The following ZNF341 variants were observed in gnomAD, a reference collection of about 807,000 sequenced individuals.
ZNF341 encodes zinc finger protein 341.
ZNF341 carries 52 observed loss-of-function variants against 87.7 expected under a neutral mutation model. That is an observed-to-expected ratio of 0.59 (90% CI 0.47 to 0.75). ZNF341 has a LOEUF of 0.75. ZNF341 is among the 30% of genes least tolerant of loss of function. ZNF341 has a pLI of 0.00. For missense variants in ZNF341, 977 were observed against 1,145.9 expected, an observed-to-expected ratio of 0.85 and a Z score of 2.13; for synonymous variants, 459 against 472.7, an observed-to-expected ratio of 0.97 and a Z score of 0.38.
rs1217050319 is a variant in ZNF341, at chr20:33,775,911, G to T, written c.1623-5380G>T. On this transcript the variant is annotated intron_variant, in intron 10 of 14. Transcript: ENST00000375200. ...GACAGGGTCTTGCTATATTGCCCAGGCTGGCCTAGAACTCCAAGGCTCAAG... is the reference window on the plus strand; with the variant it reads ...GACAGGGTCTTGCTATATTGCCCAGTCTGGCCTAGAACTCCAAGGCTCAAG... Among the ~76,000 whole-genome samples the T allele has an allele frequency of 2.0e-5, 3 of 151,612 alleles. No homozygotes were observed. The South Asian group carries it at 6.3e-4, about 32-fold the overall frequency.
At position 33,749,000 on chromosome 20, in the gene ZNF341, T is replaced by C. The variant is rs1027046592; in HGVS notation, c.417T>C (p.Asp139=). 1 of 1,614,076 alleles carries C rather than the reference T, an allele frequency of 6.2e-7. No homozygotes were observed. The highest frequency in any genetic ancestry group is 1.7e-5 in the Admixed American group (1 of 60,002). ...LVQGNILVSD[D]VLMSAMSAFT... is the part of the protein sequence containing the mutation. Reference sequence around the variant, plus strand: ...AGGGGAACATCTTGGTGAGCGATGATGTGCTCATGTCTGCCATGTCAGCCT... The same window carrying C: ...AGGGGAACATCTTGGTGAGCGATGACGTGCTCATGTCTGCCATGTCAGCCT... The change falls in exon 4 of 15, where the codon GAT becomes GAC. Residue 139 remains aspartate (D), a synonymous_variant. Coordinates refer to ENST00000375200, the MANE Select transcript of ZNF341 (RefSeq NM_001282933.2).
At chr20:33,769,969 G>A (rs1485165953) in intron 9 of ZNF341, 115 bp from the exon 10 acceptor site, 2 of 673,496 alleles carry the variant, frequency 3.0e-6, no homozygotes, top group African/African-American at 3.6e-5. Context: ...GGGGGGCAGA[G>A]GGAGCAGTGG....
chr20:33,764,556 TATA>T, intron 8 of ZNF341, among the ~76,000 whole-genome samples: 2 of 79,950 alleles, frequency 2.5e-5, no homozygotes, highest in Admixed American at 2.6e-4. Flanking sequence ...TATATATATA[TATA>T]TATTTTTTTT....
At chr20:33,779,897 A>G (rs2207354) in intron 10 of ZNF341, among the ~76,000 whole-genome samples, 24,418 of 152,130 alleles carry the variant, frequency 0.16, 2,517 homozygotes, top group African/African-American at 0.3. Context: ...ACAAGTTCTC[A>G]CTGGTGCTGG....
intron 7 of ZNF341, among the ~76,000 whole-genome samples, chr20:33,761,017 C>T (rs1209260883): frequency 6.6e-6 from 1 of 151,980 alleles, no homozygotes; most frequent in African/African-American, 2.4e-5. Context: ...TTTTTAGAGA[C>T]AAGGTCTCAC....
intron 4 of ZNF341, chr20:33,752,108 G>GCCC (rs11477069): frequency 6.3e-4 from 216 of 344,896 alleles, no homozygotes; most frequent in Non-Finnish European, 7.1e-4. Flanking sequence ...CTGCAAGCAA[G>GCCC]CCCCCCCCCC....
chr20:33,738,571 G>A (rs1340215313), intron 1 of ZNF341, among the ~76,000 whole-genome samples: 1 of 152,184 alleles, frequency 6.6e-6, no homozygotes, highest in East Asian at 1.9e-4. Flanking sequence ...CGTTAGGTCA[G>A]GTGTCTTTCA....
intron 9 of ZNF341, among the ~76,000 whole-genome samples, chr20:33,768,243 CT>C (rs1273000674): frequency 6.6e-6 from 1 of 152,082 alleles, no homozygotes; most frequent in African/African-American, 2.4e-5. Context: ...CTGCCTCAGC[CT>C]CCTGAGTAGC....
intron 10 of ZNF341, among the ~76,000 whole-genome samples, chr20:33,773,783 A>G (rs2019572874): frequency 6.6e-6 from 1 of 152,118 alleles, no homozygotes; most frequent in Non-Finnish European, 1.5e-5. Context: ...ATACACCATG[A>G]GAGTTGATTC....
intron 2 of ZNF341, among the ~76,000 whole-genome samples, chr20:33,741,387 G>C (rs965168870): frequency 2.0e-5 from 3 of 151,926 alleles, no homozygotes; most frequent in Non-Finnish European, 4.4e-5. Context: ...GGCCTGTAAG[G>C]GTCTTCTTTT....
chr20:33,766,065 G>T (rs1158479459), intron 8 of ZNF341, among the ~76,000 whole-genome samples: 1 of 151,352 alleles, frequency 6.6e-6, no homozygotes, highest in Non-Finnish European at 1.5e-5. Context: ...TTGTATTTTT[G>T]GTAGAGACGG....
chr20:33,764,150 G>A (rs1008376199), intron 8 of ZNF341, among the ~76,000 whole-genome samples: 12 of 148,818 alleles, frequency 8.1e-5, no homozygotes, highest in African/African-American at 2.5e-4. Context: ...TCAGCCTCCC[G>A]AGTAGCTGGG....
chr20:33,743,755 T>TG (rs1328912358), intron 2 of ZNF341, among the ~76,000 whole-genome samples: 5 of 152,250 alleles, frequency 3.3e-5, no homozygotes, highest in African/African-American at 1.2e-4. Flanking sequence ...CGCATAGCTG[T>TG]GGTAGGCCCT....
intron 4 of ZNF341, chr20:33,752,499 C>T (rs780890408): frequency 3.6e-5 from 18 of 502,158 alleles, no homozygotes; most frequent in South Asian, 7.0e-5. Context: ...CATTGATGGC[C>T]GAATGACCCT....
chr20:33,784,673 T>TG, intron 12 of ZNF341, among the ~76,000 whole-genome samples: 1 of 151,222 alleles, frequency 6.6e-6, no homozygotes, highest in Non-Finnish European at 1.5e-5. Flanking sequence ...TGGAGTGCGG[T>TG]GGCAGATCTT....
intron 7 of ZNF341, 83 bp downstream of exon 7, chr20:33,758,889 C>A: frequency 8.0e-7 from 1 of 1,256,394 alleles, no homozygotes; most frequent in Non-Finnish European, 1.2e-6. Context: ...CCCTTCTCAG[C>A]CCCTAGCCTG....
chr20:33,749,171 G>C (rs779995721), intron 4 of ZNF341, 99 bp downstream of exon 4: 40 of 1,457,962 alleles, frequency 2.7e-5, no homozygotes, highest in Admixed American at 4.6e-5. Context: ...CCTGGCCCCA[G>C]CTCTCCCTGA....
chr20:33,784,077 T>C (rs1477132654), intron 12 of ZNF341, among the ~76,000 whole-genome samples: 6 of 82,616 alleles, frequency 7.3e-5, no homozygotes, highest in African/African-American at 2.5e-4. Context: ...CCCATCTCCC[T>C]CCTCCTCCCC....
At chr20:33,759,127 G>A (rs2019240874) in intron 7 of ZNF341, among the ~76,000 whole-genome samples, 1 of 152,206 alleles carries the variant, frequency 6.6e-6, no homozygotes, top group Non-Finnish European at 1.5e-5. Flanking sequence ...AGAACAGGCT[G>A]GCCTACCAGG....
Sources: allele counts gnomAD v4.1 joint callset (sites outside exome capture counted in the v4.1 genomes callset), GRCh38; gene constraint gnomAD v4.1.1; transcripts MANE v1.5; gene names NCBI Gene and HGNC (gene_info 2026-07-23, HGNC 2026-07-21).